Variants in PARD3B observed in about 807,000 individuals in gnomAD.
PARD3B encodes par-3 family cell polarity regulator beta.
A neutral mutation model predicts 130.2 loss-of-function variants in PARD3B; 103 were observed. That is an observed-to-expected ratio of 0.79 (90% CI 0.67 to 0.93). PARD3B has a LOEUF of 0.93. Among genes scored for constraint, PARD3B ranks in the 40% least tolerant of loss-of-function variants. The pLI, the probability that PARD3B is intolerant of heterozygous loss-of-function variation, is 0.00. For missense variants in PARD3B, 1,609 were observed against 1,499.2 expected (o/e 1.07, Z -1.21); for synonymous variants, 583 against 553.2 (o/e 1.05, Z -0.76).
At position 205,287,074 on chromosome 2, in the gene PARD3B, G is replaced by A. The variant is rs1017684750; in HGVS notation, c.2186-13456G>A. The stretch of plus-strand genomic sequence containing the variant: ...TGCAGCAACAGACTGGAACATGCCT[G>A]TCTATAAGCTGGTGTCAGACACACT... On this transcript the variant is annotated intron_variant, in intron 16 of 22. Transcript: ENST00000406610. The surrounding 1 kb of genome is among the most constrained non-coding windows in gnomAD (Gnocchi z 4.8). Among the ~76,000 whole-genome samples, 2 of 152,188 alleles carry A rather than the reference G, an allele frequency of 1.3e-5. No homozygotes were observed. The highest frequency in any genetic ancestry group is 4.8e-5 in the African/African-American group (2 of 41,452).
At chr2:205,180,355 T>C (rs1576093956) in intron 13 of PARD3B, among the ~76,000 whole-genome samples, 1 of 151,980 alleles carries the variant, frequency 6.6e-6, no homozygotes, top group Non-Finnish European at 1.5e-5. Context: ...TAAAAGAGTA[T>C]CATGGCCATC....
At chr2:204,788,126 T>A (rs1288176140) in intron 2 of PARD3B, among the ~76,000 whole-genome samples, 1 of 152,224 alleles carries the variant, frequency 6.6e-6, no homozygotes, top group Non-Finnish European at 1.5e-5. Flanking sequence ...TAGCTGAATA[T>A]CCACTTGTAT....
chr2:205,445,712 C>T (rs961626366), intron 20 of PARD3B, among the ~76,000 whole-genome samples: 1 of 152,084 alleles, frequency 6.6e-6, no homozygotes, highest in Non-Finnish European at 1.5e-5. Context: ...GAAATTAGTA[C>T]CTGGATAAGT....
intron 2 of PARD3B, among the ~76,000 whole-genome samples, chr2:204,832,093 G>A (rs2043845975): frequency 6.6e-6 from 1 of 152,138 alleles, no homozygotes; most frequent in South Asian, 2.1e-4. Flanking sequence ...AGGCATGGTG[G>A]TGGGCGCCTG....
chr2:204,836,267 A>C (rs1336234992), intron 2 of PARD3B, among the ~76,000 whole-genome samples: 1 of 152,210 alleles, frequency 6.6e-6, no homozygotes, highest in East Asian at 1.9e-4. Context: ...TTATCTCAGA[A>C]ATAAGAATTT....
chr2:205,000,367 G>A (rs979764981), intron 3 of PARD3B, among the ~76,000 whole-genome samples: 5 of 152,174 alleles, frequency 3.3e-5, no homozygotes, highest in African/African-American at 1.2e-4. Context: ...TATTGAGTGT[G>A]TGTAGTGGTT....
chr2:205,491,000 A>T (rs1320776544), intron 20 of PARD3B, among the ~76,000 whole-genome samples: 9 of 152,056 alleles, frequency 5.9e-5, no homozygotes, highest in African/African-American at 2.2e-4. Flanking sequence ...TAGATTCTGG[A>T]TATTAGACCT....
chr2:204,884,057 A>G (rs890536283), intron 2 of PARD3B, among the ~76,000 whole-genome samples: 14 of 152,184 alleles, frequency 9.2e-5, no homozygotes, highest in Non-Finnish European at 1.3e-4. Context: ...CTTTATGGGA[A>G]TAAATACAAG....
At chr2:205,582,452 G>C (rs2054022288) in intron 22 of PARD3B, among the ~76,000 whole-genome samples, 1 of 152,208 alleles carries the variant, frequency 6.6e-6, no homozygotes, top group Non-Finnish European at 1.5e-5. Context: ...AATTGTGCTT[G>C]AGAAAAAGCA....
intron 1 of PARD3B, among the ~76,000 whole-genome samples, chr2:204,577,954 G>A (rs1443079869): frequency 6.6e-6 from 1 of 152,094 alleles, no homozygotes; most frequent in African/African-American, 2.4e-5. Context: ...TTGTCCCCTA[G>A]GACATTGTGC....
intron 2 of PARD3B, among the ~76,000 whole-genome samples, chr2:204,803,723 G>C (rs992246024): frequency 2.0e-5 from 3 of 151,932 alleles, no homozygotes; most frequent in African/African-American, 7.3e-5. Context: ...CACAAAAAGA[G>C]GCATGAAATT....
chr2:205,446,536 C>T lies in PARD3B; in HGVS notation c.3044+5864C>T, dbSNP rs749565996. On this transcript the variant is annotated intron_variant, in intron 20 of 22. Transcript: ENST00000406610. The surrounding 1 kb of genome is among the most constrained non-coding windows in gnomAD (Gnocchi z 4.4). ...ATATCTCTGTCACATAGGAACAGAT[C>T]GTGTGTATGTGGTCCATAGTAGCTT... Among the ~76,000 whole-genome samples, 6 of 151,990 alleles carry T rather than the reference C, an allele frequency of 3.9e-5. No individual in the cohort carries two copies. The highest frequency in any genetic ancestry group is 7.4e-5 in the Non-Finnish European group (5 of 68,012).
At chr2:205,531,597 T>G (rs138730803) in intron 21 of PARD3B, among the ~76,000 whole-genome samples, 1 of 152,246 alleles carries the variant, frequency 6.6e-6, no homozygotes, top group Non-Finnish European at 1.5e-5. Flanking sequence ...CCTTGGTAAA[T>G]TCCAGTCTTG....
intron 1 of PARD3B, among the ~76,000 whole-genome samples, chr2:204,636,099 AT>A (rs1322736287): frequency 6.6e-6 from 1 of 152,080 alleles, no homozygotes; most frequent in Non-Finnish European, 1.5e-5. Flanking sequence ...AAATATTTTA[AT>A]TTAAATTAAT....
In PARD3B at chr2:205,176,517, C is replaced by G; in HGVS notation, c.1864C>G (p.Arg622Gly). 6.2e-7 allele frequency: 1 copy of G among 1,612,442 alleles called. No homozygotes were observed. The highest frequency in any genetic ancestry group is 8.5e-7 in the Non-Finnish European group (1 of 1,178,898). ...NCQNAVTTSR[R>G]NDNSILHPLG... is the part of the protein sequence containing the mutation. ...TCAAAATGCTGTAACCACCTCTAGG[C>G]GAAATGATAATAGTATCCTGCATCC... The change falls in exon 13 of 23, where the codon CGA becomes GGA. Residue 622 changes from arginine to glycine, a missense_variant. Physicochemically the swap from Arg to Gly is moderately radical, Grantham distance 125. Coordinates refer to ENST00000406610, the MANE Select transcript of PARD3B (RefSeq NM_001302769.2). This position sits in a 1 kb window ranked among gnomAD's most constrained non-coding sequence, Gnocchi z 5.3.
chr2:205,582,686 A>G (rs539358053), intron 22 of PARD3B, among the ~76,000 whole-genome samples: 1 of 148,162 alleles, frequency 6.7e-6, no homozygotes, highest in African/African-American at 2.5e-5. Flanking sequence ...TTTTTTTCCT[A>G]CGTGTCTAGG....
At chr2:204,563,313 T>C (rs77009308) in intron 1 of PARD3B, among the ~76,000 whole-genome samples, 1,961 of 144,376 alleles carry the variant, frequency 0.014, 54 homozygotes, top group African/African-American at 0.048. Flanking sequence ...TGGATTAGGG[T>C]CCACCCTAAT....
chr2:205,415,754 A>G (rs1028017532), intron 19 of PARD3B, among the ~76,000 whole-genome samples: 34 of 152,146 alleles, frequency 2.2e-4, no homozygotes, highest in Admixed American at 2.2e-3. Flanking sequence ...TTGTGACATA[A>G]TAAACTAATA....
intron 19 of PARD3B, among the ~76,000 whole-genome samples, chr2:205,408,876 A>C (rs1436593051): frequency 6.6e-6 from 1 of 152,126 alleles, no homozygotes; most frequent in Admixed American, 6.6e-5. Context: ...TCCCAGTTTT[A>C]ATAGTCCCAA....
Sources: gnomAD v4.1 joint callset for allele counts (sites outside exome capture counted in the v4.1 genomes callset) on GRCh38, gnomAD v4.1.1 for gene constraint, Gnocchi (gnomAD v3.1) non-coding constraint, MANE v1.5 for transcripts, NCBI Gene and HGNC (gene_info 2026-07-23, HGNC 2026-07-21) for gene names.